Variants in SPATA6 observed in about 807,000 individuals in gnomAD.
The protein encoded by SPATA6 is spermatogenesis-associated protein 6.
Under a neutral mutation model 65.3 loss-of-function variants are expected in SPATA6, and 56 were observed. The ratio of observed to expected loss-of-function variants is 0.86; its 90% CI spans 0.69 to 1.07. The LOEUF (loss-of-function observed/expected upper bound fraction) is 1.07. Ranked by LOEUF, SPATA6 falls within the 50% of genes least tolerant of loss-of-function variation. The pLI, the probability that SPATA6 is intolerant of heterozygous loss-of-function variation, is 0.00. For synonymous variants in SPATA6, 199 were observed against 213.2 expected, an observed-to-expected ratio of 0.93 and a Z score of 0.58; for missense variants, 590 against 594.8, an observed-to-expected ratio of 0.99 and a Z score of 0.08.
intron 11 of SPATA6, chr1:48,326,008 T>C: frequency 5.2e-6 from 1 of 190,998 alleles, no homozygotes; most frequent in Non-Finnish European, 1.2e-5. Flanking sequence ...AATCAGTTTC[T>C]CAATTAGTTT....
intron 9 of SPATA6, among the ~76,000 whole-genome samples, chr1:48,365,074 G>C (rs1367391308): frequency 2.0e-5 from 3 of 151,898 alleles, no homozygotes; most frequent in Non-Finnish European, 4.4e-5. Flanking sequence ...CCCATTGCTT[G>C]TTTTTCTCAG....
At chr1:48,261,772 T>C in the SPATA6 span, among the ~76,000 whole-genome samples, 1 of 152,100 alleles carries the variant, frequency 6.6e-6, no homozygotes, top group African/African-American at 2.4e-5. Context: ...ATTTCTATAA[T>C]ATATGTTGTT....
intron 1 of SPATA6, among the ~76,000 whole-genome samples, chr1:48,471,091 C>T (rs957135745): frequency 1.3e-5 from 2 of 152,106 alleles, no homozygotes; most frequent in Non-Finnish European, 2.9e-5. Flanking sequence ...GTTCAAAACC[C>T]TTGGAAGTCT....
intron 1 of SPATA6, among the ~76,000 whole-genome samples, chr1:48,468,806 G>T (rs183809798): frequency 6.6e-6 from 1 of 152,004 alleles, no homozygotes; most frequent in Admixed American, 6.5e-5. Flanking sequence ...ACTGGATCCC[G>T]GTTTGAAAAA....
At chr1:48,301,496 T>A (rs570640424) in intron 12 of SPATA6, among the ~76,000 whole-genome samples, 9 of 150,168 alleles carry the variant, frequency 6.0e-5, no homozygotes, top group South Asian at 2.1e-4. Flanking sequence ...TACACAGCAA[T>A]AATAATAAAA....
intron 9 of SPATA6, among the ~76,000 whole-genome samples, chr1:48,373,385 G>A (rs1214350396): frequency 6.6e-6 from 1 of 152,116 alleles, no homozygotes; most frequent in Admixed American, 6.5e-5. Flanking sequence ...CTCCATCTGA[G>A]ACCACCTCAG....
chr1:48,355,800 T>TA, intron 10 of SPATA6, 31 bp from the exon 11 acceptor site: 2 of 1,548,046 alleles, frequency 1.3e-6, no homozygotes, highest in Non-Finnish European at 1.8e-6. Context: ...TTATTTTTGT[T>TA]ACTAAAATCA....
intron 11 of SPATA6, among the ~76,000 whole-genome samples, chr1:48,336,669 A>G (rs1458611760): frequency 1.3e-5 from 2 of 151,936 alleles, no homozygotes; most frequent in African/African-American, 2.4e-5. Context: ...CAAGAAAAAA[A>G]AAAGTCAAGT....
At chr1:48,392,553 G>A (rs1203247372) in intron 8 of SPATA6, among the ~76,000 whole-genome samples, 1 of 152,030 alleles carries the variant, frequency 6.6e-6, no homozygotes. Flanking sequence ...TATGAGACTG[G>A]TAGAAAAGAA....
intron 11 of SPATA6, among the ~76,000 whole-genome samples, chr1:48,345,696 G>A (rs922135297): frequency 4.6e-5 from 7 of 151,990 alleles, no homozygotes; most frequent in African/African-American, 1.4e-4. Flanking sequence ...ACAACCATCA[G>A]ACAATATTAT....
intron 11 of SPATA6, among the ~76,000 whole-genome samples, chr1:48,324,395 G>A (rs1160090587): frequency 6.6e-6 from 1 of 152,068 alleles, no homozygotes; most frequent in Non-Finnish European, 1.5e-5. Flanking sequence ...ATCAGAGAAA[G>A]AAAACTACAG....
intron 9 of SPATA6, among the ~76,000 whole-genome samples, chr1:48,367,448 A>T (rs1375888925): frequency 1.3e-5 from 2 of 151,960 alleles, no homozygotes; most frequent in African/African-American, 4.8e-5. Flanking sequence ...TTTGTAGGTC[A>T]CTCAGGACTT....
intron 9 of SPATA6, among the ~76,000 whole-genome samples, chr1:48,366,115 GA>G (rs1442212660): frequency 2.6e-5 from 4 of 152,116 alleles, no homozygotes; most frequent in African/African-American, 9.7e-5. Flanking sequence ...TGCGTATGTT[GA>G]ACCAGCCTTG....
At chr1:48,416,507 GTACACACAAA>G (rs1406964439) in intron 3 of SPATA6, among the ~76,000 whole-genome samples, 2 of 152,144 alleles carry the variant, frequency 1.3e-5, no homozygotes, top group African/African-American at 4.8e-5. Context: ...GTGTATATAT[GTACACACAAA>G]TACACACAAA....
chr1:48,365,176 G>C (rs548991523), intron 9 of SPATA6, among the ~76,000 whole-genome samples: 67 of 152,308 alleles, frequency 4.4e-4, no homozygotes, highest in African/African-American at 1.6e-3. Context: ...TTTGGTAACA[G>C]TACCATGCTG....
intron 5 of SPATA6, among the ~76,000 whole-genome samples, chr1:48,409,592 C>T (rs1320805215): frequency 2.6e-5 from 4 of 152,256 alleles, no homozygotes; most frequent in Non-Finnish European, 5.9e-5. Flanking sequence ...CAGAGGTTCT[C>T]CATGAGCACC....
At chr1:48,434,183 A>G (rs900476663) in intron 3 of SPATA6, among the ~76,000 whole-genome samples, 1 of 149,098 alleles carries the variant, frequency 6.7e-6, no homozygotes, top group African/African-American at 2.5e-5. Context: ...GCATTTTATG[A>G]TATTTTGTTT....
At chr1:48,355,635 T>A in intron 11 of SPATA6, 35 bp downstream of exon 11, 1 of 1,494,150 alleles carries the variant, frequency 6.7e-7, no homozygotes, top group East Asian at 2.3e-5. Flanking sequence ...TGACCTATTA[T>A]AAATAGTCTT....
chr1:48,432,971 C>T (rs909729810), intron 3 of SPATA6, among the ~76,000 whole-genome samples: 5 of 152,106 alleles, frequency 3.3e-5, no homozygotes, highest in South Asian at 2.1e-4. Flanking sequence ...AATTCTGACA[C>T]GTTACAACAT....
Sources: gnomAD v4.1 joint callset for allele counts (sites outside exome capture counted in the v4.1 genomes callset) on GRCh38, gnomAD v4.1.1 for gene constraint, MANE v1.5 for transcripts, NCBI Gene and HGNC (gene_info 2026-07-23, HGNC 2026-07-21) for gene names.